GNGT1: variants seen among roughly 807,000 people sequenced by gnomAD.
GNGT1 encodes the protein G protein subunit gamma transducin 1, also known as guanine nucleotide-binding protein G(T) subunit gamma-T1.
Under a neutral mutation model 7.4 loss-of-function variants are expected in GNGT1, and 4 were observed. The ratio of observed to expected loss-of-function variants is 0.54; its 90% CI spans 0.27 to 1.24. GNGT1 has a LOEUF of 1.24. GNGT1 is among the 50% of genes most tolerant of loss of function. The probability of loss-of-function intolerance (pLI) is 0.12; values close to 1 mark genes in which losing one functional copy is unlikely to be tolerated. For missense variants in GNGT1, 95 were observed against 82.4 expected, an observed-to-expected ratio of 1.15 and a Z score of -0.59; for synonymous variants, 37 against 30.2, an observed-to-expected ratio of 1.23 and a Z score of -0.74.
At chr7:93,908,204 A>G (rs1045464386) in intron 2 of GNGT1, among the ~76,000 whole-genome samples, 15 of 152,188 alleles carry the variant, frequency 9.9e-5, no homozygotes, top group African/African-American at 3.1e-4. Flanking sequence ...AGTCAAACCA[A>G]TTTAATATCA....
Position 93,906,754 on chromosome 7 carries a change from T to G in GNGT1, c.8T>G (p.Val3Gly), listed in dbSNP as rs775641362. The change falls in exon 2 of 3, where the codon GTA (valine) becomes GGA (glycine). Residue 3 changes from valine to glycine, a missense_variant. Physicochemically the swap from Val to Gly is moderately radical, Grantham distance 109 (BLOSUM62 -3). Coordinates refer to ENST00000248572, the MANE Select transcript of GNGT1 (RefSeq NM_021955.5). ...TCTTCAGCAGGCAAAAAGATGCCAG[T>G]AATCAATATTGAGGACCTGACAGAA... is the stretch of plus-strand genomic sequence containing the variant. The part of the protein sequence containing the change: MP[V>G]INIEDLTEKD... 6.3e-7 allele frequency: 1 copy of G among 1,594,220 alleles called. No individual in the cohort carries two copies. The highest frequency in any genetic ancestry group is 1.1e-5 in the South Asian group (1 of 89,060).
chr7:93,910,724 A>C, intron 2 of GNGT1, 66 bp from the exon 3 acceptor site: 2 of 1,145,654 alleles, frequency 1.7e-6, no homozygotes, highest in Non-Finnish European at 2.5e-6. Flanking sequence ...GTAATAAATA[A>C]ATTCCTGGCA....
At chr7:93,908,998 C>G (rs770625304) in intron 2 of GNGT1, among the ~76,000 whole-genome samples, 4 of 152,124 alleles carry the variant, frequency 2.6e-5, no homozygotes, top group Non-Finnish European at 5.9e-5. Context: ...GCTCTGAGAA[C>G]AATGCCTGGT....
At chr7:93,907,603 G>A (rs1794397058) in intron 2 of GNGT1, among the ~76,000 whole-genome samples, 2 of 152,150 alleles carry the variant, frequency 1.3e-5, no homozygotes, top group South Asian at 2.1e-4. Flanking sequence ...ATGAAAGCTT[G>A]GAGAATGTAG....
chr7:93,910,806 A>G lies in GNGT1; in HGVS notation c.113A>G (p.Glu38Gly). ...CCCCTTAAGGTTTCCAAATGTTGTG[A>G]AGAAGTAAGAGATTACGTTGAAGAA... ...LERMLVSKCC[E>G]EVRDYVEERS... Residue 38 changes from glutamate (E) to glycine (G), a missense_variant, in exon 3 of 3, where the codon GAA becomes GGA. Glu to Gly is a moderately conservative substitution (Grantham distance 98). Coordinates refer to ENST00000248572, the MANE Select transcript of GNGT1 (RefSeq NM_021955.5). The G allele has an allele frequency of 1.9e-6, 3 of 1,603,718 alleles. No individual in the cohort carries two copies. Among genetic ancestry groups the G allele is most frequent in the Non-Finnish European group, 1.7e-6 (2 of 1,173,922 alleles).
chr7:93,910,802 T>G lies in GNGT1; in HGVS notation c.109T>G (p.Cys37Gly). ...TLERMLVSKCCEEVRDYVEER... is the reference protein window; with the variant it reads ...TLERMLVSKCGEEVRDYVEER... The stretch of plus-strand genomic sequence containing the variant: ...CCTTCCCCTTAAGGTTTCCAAATGT[T>G]GTGAAGAAGTAAGAGATTACGTTGA... The change falls in exon 3 of 3, where the codon TGT becomes GGT. Residue 37 changes from cysteine to glycine, a missense_variant. Coordinates refer to ENST00000248572, the MANE Select transcript of GNGT1 (RefSeq NM_021955.5). 1 of 1,603,426 alleles carries G rather than the reference T, an allele frequency of 6.2e-7. No homozygotes were observed. The highest frequency in any genetic ancestry group is 8.5e-7 in the Non-Finnish European group (1 of 1,173,868).
Position 93,911,000 on chromosome 7 carries a change from A to G in GNGT1, c.*82A>G, listed in dbSNP as rs115265988. The G allele has an allele frequency of 8.0e-4, 716 of 898,750 alleles. 2 individuals are homozygous for G. In the African/African-American group the frequency reaches 9.9e-3, roughly 12 times the overall value. 55.7% of individuals were successfully genotyped at this position (898,750 alleles called of 1,614,324 possible). Reference sequence around the variant, plus strand: ...AACAATATGAATTTTTCTCATGCATACTATTACTACTAAGCATGTACGTGA... The same window carrying G: ...AACAATATGAATTTTTCTCATGCATGCTATTACTACTAAGCATGTACGTGA... On this transcript the variant is annotated 3_prime_UTR_variant, in exon 3 of 3. Transcript: ENST00000248572.
Position 93,910,820 on chromosome 7 carries a change from T to C in GNGT1, c.127T>C (p.Tyr43His). The C allele has an allele frequency of 6.2e-7, 1 of 1,605,262 alleles. No individual in the cohort carries two copies. The highest frequency in any genetic ancestry group is 8.5e-7 in the Non-Finnish European group (1 of 1,174,356). Residue 43 changes from tyrosine (Y) to histidine (H), a missense_variant, in exon 3 of 3, where the codon TAC becomes CAC. By Grantham distance (83) the Tyr-to-His change is moderately conservative (BLOSUM62 2). Coordinates refer to ENST00000248572, the MANE Select transcript of GNGT1 (RefSeq NM_021955.5). Reference sequence around the variant, plus strand: ...CAAATGTTGTGAAGAAGTAAGAGATTACGTTGAAGAACGATCTGGCGAGGA... The same window carrying C: ...CAAATGTTGTGAAGAAGTAAGAGATCACGTTGAAGAACGATCTGGCGAGGA... ...VSKCCEEVRD[Y>H]VEERSGEDPL... is the part of the protein sequence containing the mutation.
chr7:93,909,121 C>T (rs897567696), intron 2 of GNGT1, among the ~76,000 whole-genome samples: 2 of 152,108 alleles, frequency 1.3e-5, no homozygotes, highest in African/African-American at 4.8e-5. Context: ...CAAGTCTTTG[C>T]ATCCAGTTTC....
At position 93,907,235 on chromosome 7, in the gene GNGT1, C is replaced by CA. The variant is rs200192894; in HGVS notation, c.96+398dup. Among the ~76,000 whole-genome samples the CA allele has an allele frequency of 9.4e-3, 1,424 of 151,876 alleles. 16 individuals carry two copies. The highest frequency in any genetic ancestry group is 0.015 in the Non-Finnish European group (1,037 of 67,878). Reference sequence around the variant, plus strand: ...AAAAGAGAAAAAGGAGAATATGAGACAAAAACCATATTTTAGATAAGCAAT... The same window carrying CA: ...AAAAGAGAAAAAGGAGAATATGAGACAAAAAACCATATTTTAGATAAGCAAT... On this transcript the variant is annotated intron_variant, in intron 2 of 2. Transcript: ENST00000248572.
At chr7:93,907,015 A>T (rs1327732898) in intron 2 of GNGT1, among the ~76,000 whole-genome samples, 173 bp downstream of exon 2, 1 of 152,140 alleles carries the variant, frequency 6.6e-6, no homozygotes, top group African/African-American at 2.4e-5. Context: ...CTTGATTTAG[A>T]TTCTAAATCA....
rs1446371083 is a variant in GNGT1, at chr7:93,911,085, CTA to C, written c.*169_*170del. On this transcript the variant is annotated 3_prime_UTR_variant, in exon 3 of 3. Transcript: ENST00000248572. ...AATTGGGGTGTGGTAACCCATCATT[CTA>C]TGTTTTTCTTAACATAGCTGGCACA... 5.3e-6 allele frequency: 2 copies of C among 378,414 alleles called. No homozygotes were observed. The highest frequency in any genetic ancestry group is 4.3e-5 in the Admixed American group (1 of 23,250). The allele number at this position is 378,414 out of a possible 1,614,324, so 23.4% of individuals were successfully genotyped here.
In GNGT1 at chr7:93,910,974, T is replaced by C. The variant is rs554472946; in HGVS notation, c.*56T>C. The C allele has an allele frequency of 7.9e-5, 103 of 1,307,396 alleles. No individual in the cohort carries two copies. The highest frequency in any genetic ancestry group is 7.7e-4 in the African/African-American group (51 of 66,662). The allele number at this position is 1,307,396 out of a possible 1,614,324, so 81.0% of individuals were successfully genotyped here. ...TTCTTGGAAATATCTCAAATGTTAA[T>C]AACAATATGAATTTTTCTCATGCAT... On this transcript the variant is annotated 3_prime_UTR_variant, in exon 3 of 3. Coordinates refer to ENST00000248572, the MANE Select transcript of GNGT1 (RefSeq NM_021955.5).
chr7:93,909,656 A>C, intron 2 of GNGT1: 1 of 531,100 alleles, frequency 1.9e-6, no homozygotes, highest in East Asian at 2.9e-5. Context: ...TGCATATTTC[A>C]AAAGTTATGT....
At position 93,906,758 on chromosome 7, in the gene GNGT1, C is replaced by A; in HGVS notation, c.12C>A (p.Ile4=). 1 of 1,596,712 alleles carries A rather than the reference C, an allele frequency of 6.3e-7. No homozygotes were observed. The highest frequency in any genetic ancestry group is 1.1e-5 in the South Asian group (1 of 89,188). The stretch of plus-strand genomic sequence containing the variant: ...CAGCAGGCAAAAAGATGCCAGTAAT[C>A]AATATTGAGGACCTGACAGAAAAGG... MPV[I]NIEDLTEKDK... Residue 4 remains isoleucine (I), a synonymous_variant, in exon 2 of 3, where the codon ATC becomes ATA. Transcript: ENST00000248572.
chr7:93,910,661 T>TTGGTGTAAAG (rs1458022214), intron 2 of GNGT1, 129 bp from the exon 3 acceptor site: 2 of 544,962 alleles, frequency 3.7e-6, no homozygotes, highest in African/African-American at 3.9e-5. Context: ...TAAATATGCA[T>TTGGTGTAAAG]TGGTGTAAAG....
chr7:93,907,906 T>C (rs764580079), intron 2 of GNGT1, among the ~76,000 whole-genome samples: 24 of 152,170 alleles, frequency 1.6e-4, no homozygotes, highest in African/African-American at 2.4e-4. Flanking sequence ...GCTTAGAACA[T>C]ACACCAGACA....
At chr7:93,909,258 G>T (rs1199074412) in intron 2 of GNGT1, among the ~76,000 whole-genome samples, 1 of 152,034 alleles carries the variant, frequency 6.6e-6, no homozygotes, top group African/African-American at 2.4e-5. Context: ...GCACCTCTTA[G>T]GCATTTAAGG....
chr7:93,911,250 T>TA lies in GNGT1; in HGVS notation c.*333dup, dbSNP rs1794464697. On this transcript the variant is annotated 3_prime_UTR_variant, in exon 3 of 3. Coordinates refer to ENST00000248572, the MANE Select transcript of GNGT1 (RefSeq NM_021955.5). The stretch of plus-strand genomic sequence containing the variant: ...GTTTTTTCACTTCCCTTTCAACACT[T>TA]ACAATTTTCTACCCAGAAATTGTAT... The TA allele has an allele frequency of 6.5e-6, 1 of 153,848 alleles. No homozygotes were observed. Among genetic ancestry groups the TA allele is most frequent in the African/African-American group, 2.4e-5 (1 of 41,504 alleles). 9.5% of individuals were successfully genotyped at this position (153,848 alleles called of 1,614,324 possible).
Sources: gnomAD v4.1 joint callset for allele counts (sites outside exome capture counted in the v4.1 genomes callset) on GRCh38, gnomAD v4.1.1 for gene constraint, MANE v1.5 for transcripts, NCBI Gene and HGNC (gene_info 2026-07-23, HGNC 2026-07-21) for gene names.